The following NUDT7 variants were observed in gnomAD, a reference collection of about 807,000 sequenced individuals.
NUDT7 encodes peroxisomal coenzyme A diphosphatase NUDT7.
NUDT7 carries 19 observed loss-of-function variants against 13.1 expected under a neutral mutation model. The ratio of observed to expected loss-of-function variants is 1.45; its 90% CI spans 1.01 to 2.13. NUDT7 has a LOEUF of 2.13. Among genes scored for constraint, NUDT7 ranks in the 30% most tolerant of loss-of-function variants. The probability of loss-of-function intolerance (pLI) is 0.00; values close to 1 mark genes in which losing one functional copy is unlikely to be tolerated. For missense variants in NUDT7, 360 were observed against 291.7 expected (o/e 1.23, Z -1.71); for synonymous variants, 132 against 109.7 (o/e 1.20, Z -1.27).
rs1214483374 is a variant in NUDT7, at chr16:77,726,111, A to G, written c.189+527A>G. 2.0e-5 allele frequency among the ~76,000 whole-genome samples: 3 copies of G among 152,204 alleles called. No individual in the cohort carries two copies. In the East Asian group the frequency reaches 5.8e-4, roughly 29 times the overall value. On this transcript the variant is annotated intron_variant, in intron 2 of 3. Coordinates refer to ENST00000268533, the MANE Select transcript of NUDT7 (RefSeq NM_001105663.3). ...ATCCCACCCCCAGTATAATGTGAAA[A>G]TACTAGAGCATAGAAGTTAACGGCC... is the stretch of plus-strand genomic sequence containing the variant.
chr16:77,735,769 T>C (rs2014460492), intron 2 of NUDT7, 59 bp from the exon 3 acceptor site: 13 of 1,466,268 alleles, frequency 8.9e-6, no homozygotes, highest in South Asian at 4.8e-5. Flanking sequence ...ATTTGTTGAA[T>C]GCATAAATAG....
intron 3 of NUDT7, among the ~76,000 whole-genome samples, chr16:77,739,633 C>G (rs530103400): frequency 6.6e-6 from 1 of 152,276 alleles, no homozygotes; most frequent in South Asian, 2.1e-4. Context: ...GCCCTAACCT[C>G]CTGGGAATGC....
At chr16:77,724,927 G>C (rs1295161761) in intron 1 of NUDT7, among the ~76,000 whole-genome samples, 2 of 152,204 alleles carry the variant, frequency 1.3e-5, no homozygotes, top group African/African-American at 2.4e-5. Flanking sequence ...GAGTTACTGA[G>C]TCACAGTCTG....
intron 2 of NUDT7, among the ~76,000 whole-genome samples, chr16:77,726,660 G>T (rs2014146383): frequency 6.6e-6 from 1 of 152,094 alleles, no homozygotes; most frequent in Non-Finnish European, 1.5e-5. Context: ...AGCCAGGCAT[G>T]GTGGCACACA....
Position 77,722,519 on chromosome 16 carries a change from G to T in NUDT7, c.-64G>T. 1 of 1,482,680 alleles carries T rather than the reference G, an allele frequency of 6.7e-7. No individual in the cohort carries two copies. The highest frequency in any genetic ancestry group is 2.0e-5 in the Admixed American group (1 of 50,882). The allele number at this position is 1,482,680 out of a possible 1,614,324, so 91.8% of individuals were successfully genotyped here. Reference sequence around the variant, plus strand: ...CCGCTCCCAAGCCCAGAGCTGCTCTGCGCAAGCGCGACCGACCGAGCAGCT... The same window carrying T: ...CCGCTCCCAAGCCCAGAGCTGCTCTTCGCAAGCGCGACCGACCGAGCAGCT... On this transcript the variant is annotated 5_prime_UTR_variant, in exon 1 of 4. Coordinates refer to ENST00000268533, the MANE Select transcript of NUDT7 (RefSeq NM_001105663.3).
chr16:77,736,622 AT>A, intron 3 of NUDT7: 1 of 223,454 alleles, frequency 4.5e-6, no homozygotes, highest in Non-Finnish European at 9.5e-6. Flanking sequence ...ACCACATCTT[AT>A]TTTCTTTTTT....
intron 2 of NUDT7, among the ~76,000 whole-genome samples, chr16:77,730,963 A>G (rs1036654986): frequency 1.4e-4 from 21 of 151,518 alleles, no homozygotes; most frequent in African/African-American, 2.9e-4. Context: ...TGAGTTCCTT[A>G]TATATTTTGG....
chr16:77,725,713 A>C, intron 2 of NUDT7, 129 bp downstream of exon 2: 2 of 724,970 alleles, frequency 2.8e-6, no homozygotes, highest in Non-Finnish European at 4.5e-6. Flanking sequence ...TGTCAGAGGC[A>C]TACAACCACA....
intron 2 of NUDT7, among the ~76,000 whole-genome samples, chr16:77,733,130 T>G (rs1477397964): frequency 6.6e-6 from 1 of 152,184 alleles, no homozygotes; most frequent in East Asian, 1.9e-4. Flanking sequence ...AAAAAAAATT[T>G]TTAAGTCTTG....
At chr16:77,725,011 T>C (rs911498991) in intron 1 of NUDT7, among the ~76,000 whole-genome samples, 2 of 152,186 alleles carry the variant, frequency 1.3e-5, no homozygotes, top group African/African-American at 4.8e-5. Context: ...TGGGAACCAC[T>C]ATTATAAGCA....
At chr16:77,731,884 A>C (rs1597114805) in intron 2 of NUDT7, among the ~76,000 whole-genome samples, 1 of 152,198 alleles carries the variant, frequency 6.6e-6, no homozygotes, top group African/African-American at 2.4e-5. Context: ...AAAAGCTTCT[A>C]GAATAAGGAT....
chr16:77,723,876 G>T (rs2014045742), intron 1 of NUDT7, among the ~76,000 whole-genome samples: 1 of 152,160 alleles, frequency 6.6e-6, no homozygotes, highest in African/African-American at 2.4e-5. Flanking sequence ...ACAGGCATGA[G>T]CCACTGTACC....
At chr16:77,730,061 AT>A (rs779215373) in intron 2 of NUDT7, among the ~76,000 whole-genome samples, 88 of 152,258 alleles carry the variant, frequency 5.8e-4, no homozygotes, top group Non-Finnish European at 1.0e-3. Context: ...ACATAGTAAC[AT>A]ATTAACACAC....
In NUDT7 at chr16:77,742,085, C is replaced by T; in HGVS notation, c.*135C>T. On this transcript the variant is annotated 3_prime_UTR_variant, in exon 4 of 4. Coordinates refer to ENST00000268533, the MANE Select transcript of NUDT7 (RefSeq NM_001105663.3). ...TGCAGTATGTAGTTAGAATCCTTGC[C>T]TCTTTTCCAGTTGCCTTCTATTGTC... The T allele has an allele frequency of 7.0e-7, 1 of 1,428,966 alleles. No individual in the cohort carries two copies. The highest frequency in any genetic ancestry group is 9.1e-7 in the Non-Finnish European group (1 of 1,098,606). The allele number at this position is 1,428,966 out of a possible 1,614,324, so 88.5% of individuals were successfully genotyped here.
At chr16:77,739,930 C>G (rs1002592642) in intron 3 of NUDT7, among the ~76,000 whole-genome samples, 1 of 152,240 alleles carries the variant, frequency 6.6e-6, no homozygotes, top group Admixed American at 6.5e-5. Flanking sequence ...CCAGAACACC[C>G]CATGGTGCCC....
rs763833983 is a variant in NUDT7 at position 77,724,824 on chromosome 16, A to T, written c.36-607A>T. Among the ~76,000 whole-genome samples the T allele has an allele frequency of 9.4e-4, 143 of 152,338 alleles. 1 individual carries two copies. Among genetic ancestry groups the T allele is most frequent in the Admixed American group, 4.7e-3 (72 of 15,304 alleles). On this transcript the variant is annotated intron_variant, in intron 1 of 3. Transcript: ENST00000268533. ...TCCAAATGCTTGCATATTATTGGGA[A>T]ATTGTTCTCAGAATGTGTTCCCCTG... is the stretch of plus-strand genomic sequence containing the variant.
intron 3 of NUDT7, among the ~76,000 whole-genome samples, chr16:77,739,948 C>CCTT (rs2014607251): frequency 6.6e-6 from 1 of 152,156 alleles, no homozygotes; most frequent in South Asian, 2.1e-4. Context: ...CCCTTGCCAG[C>CCTT]CTTCTTCCCT....
At chr16:77,726,646 A>G (rs1204626438) in intron 2 of NUDT7, among the ~76,000 whole-genome samples, 1 of 151,968 alleles carries the variant, frequency 6.6e-6, no homozygotes, top group Non-Finnish European at 1.5e-5. Context: ...AATACAAAAG[A>G]ATTAGCCAGG....
At chr16:77,741,501 C>T in intron 3 of NUDT7, 81 bp from the exon 4 acceptor site, 4 of 1,398,988 alleles carry the variant, frequency 2.9e-6, no homozygotes, top group Non-Finnish European at 3.8e-6. Context: ...TTTCTTAGCT[C>T]ACCTAGAAGT....
Sources: gnomAD v4.1 joint callset for allele counts (sites outside exome capture counted in the v4.1 genomes callset) on GRCh38, gnomAD v4.1.1 for gene constraint, MANE v1.5 for transcripts, NCBI Gene and HGNC (gene_info 2026-07-23, HGNC 2026-07-21) for gene names.